The following EYA2 variants were observed in gnomAD, a reference collection of about 807,000 sequenced individuals.
EYA2 encodes EYA transcriptional coactivator and phosphatase 2, also known as protein phosphatase EYA2.
Under a neutral mutation model 69.2 loss-of-function variants are expected in EYA2, and 31 were observed. That is an observed-to-expected ratio of 0.45 (90% CI 0.34 to 0.60). The LOEUF is 0.60. EYA2 is among the 20% of genes least tolerant of loss of function. The pLI, the probability that EYA2 is intolerant of heterozygous loss-of-function variation, is 0.02. For missense variants in EYA2, 622 were observed against 701.2 expected, an observed-to-expected ratio of 0.89 and a Z score of 1.28; for synonymous variants, 257 against 279.4, an observed-to-expected ratio of 0.92 and a Z score of 0.80.
chr20:47,119,955 C>G (rs112613616), intron 9 of EYA2, among the ~76,000 whole-genome samples: 7,179 of 152,142 alleles, frequency 0.047, 560 homozygotes, highest in African/African-American at 0.16. Context: ...TGCCTGTAAT[C>G]CCAGCACTTT....
At chr20:47,159,153 T>C (rs1600754607) in intron 10 of EYA2, among the ~76,000 whole-genome samples, 2 of 152,042 alleles carry the variant, frequency 1.3e-5, no homozygotes, top group South Asian at 2.1e-4. Flanking sequence ...GAGTACAATA[T>C]AGATGAGGGG....
At chr20:47,073,497 G>C (rs1344590869) in intron 6 of EYA2, among the ~76,000 whole-genome samples, 2 of 151,994 alleles carry the variant, frequency 1.3e-5, no homozygotes, top group East Asian at 1.9e-4. Context: ...TGTGTCGTGG[G>C]GGGGGGGTGC....
At chr20:47,067,319 G>A (rs535384620) in intron 5 of EYA2, among the ~76,000 whole-genome samples, 34 of 152,206 alleles carry the variant, frequency 2.2e-4, no homozygotes, top group African/African-American at 7.7e-4. Context: ...AGATGACCTC[G>A]AATGGAATAG....
chr20:47,061,664 A>G (rs1255221079), intron 5 of EYA2, among the ~76,000 whole-genome samples: 2 of 152,226 alleles, frequency 1.3e-5, no homozygotes, highest in Non-Finnish European at 2.9e-5. Context: ...CAAATATGGA[A>G]CTGAGAGAAA....
chr20:47,163,120 C>T (rs149712006), intron 10 of EYA2, among the ~76,000 whole-genome samples: 151 of 151,992 alleles, frequency 9.9e-4, no homozygotes, highest in Non-Finnish European at 2.0e-3. Flanking sequence ...ACCTCCACCT[C>T]CTGGGCTCAA....
intron 9 of EYA2, among the ~76,000 whole-genome samples, chr20:47,130,745 C>T (rs895039056): frequency 2.6e-5 from 4 of 152,106 alleles, no homozygotes; most frequent in African/African-American, 9.7e-5. Context: ...AATGGAAGAA[C>T]AGAGATGGGA....
At chr20:47,167,753 C>T (rs745740004) in intron 10 of EYA2, among the ~76,000 whole-genome samples, 2 of 152,148 alleles carry the variant, frequency 1.3e-5, no homozygotes, top group Non-Finnish European at 2.9e-5. Context: ...GGGCCCACCC[C>T]GACAGCCAAG....
At chr20:46,937,243 A>G (rs1985949516) in intron 1 of EYA2, among the ~76,000 whole-genome samples, 1 of 152,260 alleles carries the variant, frequency 6.6e-6, no homozygotes, top group Non-Finnish European at 1.5e-5. Flanking sequence ...AAAGGAGTTT[A>G]TAATCGTCAT....
Position 47,128,685 on chromosome 20 carries a change from C to T in EYA2, c.889-14374C>T, listed in dbSNP as rs540705932. On this transcript the variant is annotated intron_variant, in intron 9 of 15. Coordinates refer to ENST00000327619, the MANE Select transcript of EYA2 (RefSeq NM_005244.5). ...AGACAGTCCTAGATTTGAATCCCAG[C>T]TCTGCCACTTATTGGCAGCGTGACC... Among the ~76,000 whole-genome samples, 3 of 152,168 alleles carry T rather than the reference C, an allele frequency of 2.0e-5. 1 individual carries two copies. The highest frequency in any genetic ancestry group is 4.4e-5 in the Non-Finnish European group (3 of 68,028).
At chr20:46,954,841 AG>A (rs11478270) in intron 1 of EYA2, among the ~76,000 whole-genome samples, 9,058 of 152,218 alleles carry the variant, frequency 0.06, 800 homozygotes, top group African/African-American at 0.19. Context: ...CTCAGAGCCA[AG>A]GGGAAGCTGG....
At chr20:47,031,613 T>C (rs1220909180) in intron 5 of EYA2, among the ~76,000 whole-genome samples, 2 of 152,208 alleles carry the variant, frequency 1.3e-5, no homozygotes, top group African/African-American at 2.4e-5. Flanking sequence ...CAACTTATCC[T>C]TTTACTCCCA....
rs3787262 is a variant in EYA2, at chr20:47,015,548, C to T, written c.299-633C>T. Among the ~76,000 whole-genome samples, 71 of 152,242 alleles carry T rather than the reference C, an allele frequency of 4.7e-4. No individual in the cohort carries two copies. The East Asian group carries it at 0.013, about 27-fold the overall frequency. ...CATTTAAGCCATACACAGCACTACT[C>T]AGTGGAGTAGTGGGCTGCAGGCTTG... On this transcript the variant is annotated intron_variant, in intron 4 of 15. Coordinates refer to ENST00000327619, the MANE Select transcript of EYA2 (RefSeq NM_005244.5).
intron 1 of EYA2, among the ~76,000 whole-genome samples, chr20:46,913,009 A>G (rs2146226312): frequency 6.6e-6 from 1 of 152,276 alleles, no homozygotes; most frequent in East Asian, 1.9e-4. Context: ...CTTAATTTTA[A>G]TTTTAAATAG....
intron 7 of EYA2, among the ~76,000 whole-genome samples, chr20:47,085,818 AG>A (rs1326653510): frequency 6.6e-6 from 1 of 152,224 alleles, no homozygotes; most frequent in African/African-American, 2.4e-5. Context: ...AAAGCAGTTT[AG>A]TGGTTTTCTG....
intron 1 of EYA2, among the ~76,000 whole-genome samples, chr20:46,958,710 A>T (rs1361751164): frequency 6.6e-6 from 1 of 152,144 alleles, no homozygotes; most frequent in Non-Finnish European, 1.5e-5. Context: ...ACCCTCCAAT[A>T]GGCTCCAGTG....
At chr20:47,127,745 G>A (rs2033234593) in intron 9 of EYA2, among the ~76,000 whole-genome samples, 1 of 152,086 alleles carries the variant, frequency 6.6e-6, no homozygotes, top group Admixed American at 6.6e-5. Context: ...AGTCCTGGAG[G>A]GCTTAATCCT....
Position 46,943,006 on chromosome 20 carries a change from T to A in EYA2, c.-10-46995T>A, listed in dbSNP as rs188243969. On this transcript the variant is annotated intron_variant, in intron 1 of 15. Transcript: ENST00000327619. Reference sequence around the variant, plus strand: ...CTCTCAAACTCCTGACCTCAAGTGATCTGCCCGCCTCGGCCTCCCAAAGTG... The same window carrying A: ...CTCTCAAACTCCTGACCTCAAGTGAACTGCCCGCCTCGGCCTCCCAAAGTG... Among the ~76,000 whole-genome samples, 524 of 152,336 alleles carry A rather than the reference T, an allele frequency of 3.4e-3. 4 individuals are homozygous for A. The highest frequency in any genetic ancestry group is 0.012 in the African/African-American group (483 of 41,584).
intron 5 of EYA2, among the ~76,000 whole-genome samples, chr20:47,039,237 CA>C (rs1984902401): frequency 6.6e-6 from 1 of 152,182 alleles, no homozygotes; most frequent in Non-Finnish European, 1.5e-5. Flanking sequence ...GTTTTTGTAC[CA>C]CCCATGAGCT....
chr20:47,054,958 C>G (rs1381852674), intron 5 of EYA2, among the ~76,000 whole-genome samples: 1 of 152,178 alleles, frequency 6.6e-6, no homozygotes, highest in Non-Finnish European at 1.5e-5. Context: ...GATTTGGTTC[C>G]TCTTTCTGTC....
Sources: gnomAD v4.1 joint callset for allele counts (sites outside exome capture counted in the v4.1 genomes callset) on GRCh38, gnomAD v4.1.1 for gene constraint, MANE v1.5 for transcripts, NCBI Gene and HGNC (gene_info 2026-07-23, HGNC 2026-07-21) for gene names.